The following RAB15 variants were observed in gnomAD, a reference collection of about 807,000 sequenced individuals.
RAB15 encodes RAB15, member RAS oncogene family, also known as ras-related protein Rab-15.
In RAB15, 13 loss-of-function variants were observed where a neutral mutation model predicts 31.8. The ratio of observed to expected loss-of-function variants is 0.41; its 90% CI spans 0.27 to 0.65. RAB15 has a LOEUF of 0.65. RAB15 is among the 30% of genes least tolerant of loss of function. The pLI is 0.32. For synonymous variants in RAB15, 100 were observed against 105.6 expected (o/e 0.95, Z 0.33); for missense variants, 220 against 277.3 (o/e 0.79, Z 1.47).
At chr14:64,957,801 G>A (rs1886654434) in intron 1 of RAB15, 1 of 152,002 alleles carries the variant, frequency 6.6e-6, no homozygotes, top group Non-Finnish European at 1.5e-5. Context: ...CCCAACCCTG[G>A]GAGGCTGAGG....
chr14:64,956,655 T>G (rs1886588411), intron 1 of RAB15, among the ~76,000 whole-genome samples: 1 of 152,184 alleles, frequency 6.6e-6, no homozygotes, highest in South Asian at 2.1e-4. Context: ...AGGTGTGCTT[T>G]GCAGAGCTTC....
Position 64,951,206 on chromosome 14 carries a change from G to A in RAB15, c.247-55C>T. On this transcript the variant is annotated intron_variant, in intron 3 of 6. Coordinates refer to ENST00000533601, the MANE Select transcript of RAB15 (RefSeq NM_001308154.2). This position sits in a 1 kb window ranked among gnomAD's most constrained non-coding sequence, Gnocchi z 7.2. The stretch of plus-strand genomic sequence containing the variant: ...TATGCACAGAGAGAGTGCAGTCATG[G>A]GGCCAGAAGGGGCCGTGGAAACTTA... 1 of 1,407,066 alleles carries A rather than the reference G, an allele frequency of 7.1e-7. No individual in the cohort carries two copies. The highest frequency in any genetic ancestry group is 1.2e-5 in the South Asian group (1 of 84,192). The allele number at this position is 1,407,066 out of a possible 1,614,324, so 87.2% of individuals were successfully genotyped here. A position where few individuals can be genotyped will look rare whatever the true frequency, so the allele number is the denominator to read the frequency against.
rs1193151749 is a variant in RAB15 at position 64,955,152 on chromosome 14, T to C, written c.125-2581A>G. 6.6e-6 allele frequency among the ~76,000 whole-genome samples: 1 copy of C among 152,174 alleles called. No individual in the cohort carries two copies. On this transcript the variant is annotated intron_variant, in intron 1 of 6. Transcript: ENST00000533601. The surrounding 1 kb of genome is among the most constrained non-coding windows in gnomAD (Gnocchi z 4.4). The stretch of plus-strand genomic sequence containing the variant: ...TGGCCACCTGGGAACATGTGTTTTA[T>C]TCACCTTTTGGCTATTCATATGCAT...
In RAB15 at chr14:64,951,280, T is replaced by G; in HGVS notation, c.247-129A>C. On this transcript the variant is annotated intron_variant, in intron 3 of 6. Transcript: ENST00000533601. The surrounding 1 kb of genome is among the most constrained non-coding windows in gnomAD (Gnocchi z 7.2). ...TCTCCCTGCTCAGCATCCAGAAATA[T>G]CTCTTCTCTCAGACCCCACCACTGC... is the stretch of plus-strand genomic sequence containing the variant. 1 of 761,944 alleles carries G rather than the reference T, an allele frequency of 1.3e-6. No individual in the cohort carries two copies. Among genetic ancestry groups the G allele is most frequent in the Non-Finnish European group, 2.1e-6 (1 of 466,262 alleles). The allele number at this position is 761,944 out of a possible 1,614,324, so 47.2% of individuals were successfully genotyped here. A position where few individuals can be genotyped will look rare whatever the true frequency, so the allele number is the denominator to read the frequency against.
Position 64,948,731 on chromosome 14 carries a change from C to G in RAB15, c.417G>C (p.Leu139=), listed in dbSNP as rs1886063083. Residue 139 remains leucine (L), a splice_region_variant and synonymous_variant, in exon 6 of 7, where the codon CTG becomes CTC. Transcript: ENST00000533601. This position sits in a 1 kb window ranked among gnomAD's most constrained non-coding sequence, Gnocchi z 7.0. ...AGAAGTCCATGCCATACTCCTTCGC[C>G]AGCTGCAAGAGAAGGACATTTCTGA... ...RQVGREQGQQ[L]AKEYGMDFYE... 6.2e-7 allele frequency: 1 copy of G among 1,613,608 alleles called. No individual in the cohort carries two copies. Among genetic ancestry groups the G allele is most frequent in the Admixed American group, 1.7e-5 (1 of 59,980 alleles).
In RAB15 at chr14:64,970,840, C is replaced by T. The variant is rs1432229104; in HGVS notation, c.124+1113G>A. On this transcript the variant is annotated intron_variant, in intron 1 of 6. Transcript: ENST00000533601. The surrounding 1 kb of genome is among the most constrained non-coding windows in gnomAD (Gnocchi z 4.1). Reference sequence around the variant, plus strand: ...TTCTTAACCAGAAGGTTCTGTTCCTCCTGGCTGTATCTATCTGCTCCTACT... The same window carrying T: ...TTCTTAACCAGAAGGTTCTGTTCCTTCTGGCTGTATCTATCTGCTCCTACT... Among the ~76,000 whole-genome samples, 1 of 152,198 alleles carries T rather than the reference C, an allele frequency of 6.6e-6. No individual in the cohort carries two copies. Among genetic ancestry groups the T allele is most frequent in the African/African-American group, 2.4e-5 (1 of 41,444 alleles).
Position 64,955,069 on chromosome 14 carries a change from G to A in RAB15, c.125-2498C>T, listed in dbSNP as rs566418059. Among the ~76,000 whole-genome samples the A allele has an allele frequency of 2.0e-5, 3 of 151,918 alleles. No individual in the cohort carries two copies. Among genetic ancestry groups the A allele is most frequent in the Non-Finnish European group, 4.4e-5 (3 of 67,954 alleles). Reference sequence around the variant, plus strand: ...GGGGACTAAGGCTGAGGAATTCCGGGGCTCGCAGCACTCCCCGGCCTCACA... The same window carrying A: ...GGGGACTAAGGCTGAGGAATTCCGGAGCTCGCAGCACTCCCCGGCCTCACA... On this transcript the variant is annotated intron_variant, in intron 1 of 6. Transcript: ENST00000533601. This position sits in a 1 kb window ranked among gnomAD's most constrained non-coding sequence, Gnocchi z 4.4.
rs1169676417 is a variant in RAB15 at position 64,950,480 on chromosome 14, G to C, written c.325-66C>G. 7 of 1,308,916 alleles carry C rather than the reference G, an allele frequency of 5.3e-6. No individual in the cohort carries two copies. Among genetic ancestry groups the C allele is most frequent in the Non-Finnish European group, 7.7e-6 (7 of 906,434 alleles). 81.1% of individuals were successfully genotyped at this position (1,308,916 alleles called of 1,614,324 possible). ...CTGCCCCCCCAATTTTCCCTACAGA[G>C]TCTGCACTGCCTCCAGCCCACCACC... On this transcript the variant is annotated intron_variant, in intron 4 of 6. Coordinates refer to ENST00000533601, the MANE Select transcript of RAB15 (RefSeq NM_001308154.2). The surrounding 1 kb of genome is among the most constrained non-coding windows in gnomAD (Gnocchi z 5.6).
In RAB15 at chr14:64,950,191, C is replaced by G; in HGVS notation, c.414+134G>C. On this transcript the variant is annotated intron_variant, in intron 5 of 6. Coordinates refer to ENST00000533601, the MANE Select transcript of RAB15 (RefSeq NM_001308154.2). The surrounding 1 kb of genome is among the most constrained non-coding windows in gnomAD (Gnocchi z 5.6). ...AGCCTTCCGAGGATGGCCACTCCCC[C>G]AGGGCCTTGGGGTGCTGGGGACGTG... 1.3e-6 allele frequency: 1 copy of G among 764,962 alleles called. No individual in the cohort carries two copies. The highest frequency in any genetic ancestry group is 1.9e-5 in the Admixed American group (1 of 53,904). 47.4% of individuals were successfully genotyped at this position (764,962 alleles called of 1,614,324 possible). A position where few individuals can be genotyped will look rare whatever the true frequency, so the allele number is the denominator to read the frequency against.
Position 64,953,867 on chromosome 14 carries a change from C to T in RAB15, c.125-1296G>A, listed in dbSNP as rs1886400696. On this transcript the variant is annotated intron_variant, in intron 1 of 6. Transcript: ENST00000533601. This position sits in a 1 kb window ranked among gnomAD's most constrained non-coding sequence, Gnocchi z 4.6. ...TTCAGATGGGAACATGGTAGAGTTC[C>T]GAACCGTCTGCCACCAGCTGCACTG... 9.1e-6 allele frequency: 9 copies of T among 985,378 alleles called. No individual in the cohort carries two copies. The highest frequency in any genetic ancestry group is 1.1e-4 in the East Asian group (1 of 8,812). 61.0% of individuals were successfully genotyped at this position (985,378 alleles called of 1,614,324 possible). A position where few individuals can be genotyped will look rare whatever the true frequency, so the allele number is the denominator to read the frequency against.
intron 1 of RAB15, among the ~76,000 whole-genome samples, chr14:64,959,642 C>G (rs1337253412): frequency 2.0e-5 from 3 of 151,944 alleles, no homozygotes; most frequent in Non-Finnish European, 4.4e-5. Flanking sequence ...GGTGGGAGGA[C>G]TGCTTGCGCC....
chr14:64,961,743 T>G lies in RAB15; in HGVS notation c.125-9172A>C, dbSNP rs1886870730. Among the ~76,000 whole-genome samples the G allele has an allele frequency of 6.6e-5, 10 of 152,162 alleles. No individual in the cohort carries two copies. The South Asian group carries it at 2.1e-3, about 32-fold the overall frequency. On this transcript the variant is annotated intron_variant, in intron 1 of 6. Transcript: ENST00000533601. Reference sequence around the variant, plus strand: ...GGGCAACATAGTGAGACCATGTCTCTGCAAAAAATTTAAAAATTAGCCAGG... The same window carrying G: ...GGGCAACATAGTGAGACCATGTCTCGGCAAAAAATTTAAAAATTAGCCAGG...
At chr14:64,966,006 C>T (rs536802932) in intron 1 of RAB15, among the ~76,000 whole-genome samples, 5 of 152,292 alleles carry the variant, frequency 3.3e-5, no homozygotes, top group African/African-American at 1.2e-4. Flanking sequence ...AGCAGGGGCC[C>T]AAGCCTTGAG....
In RAB15 at chr14:64,965,946, C is replaced by T. The variant is rs34343579; in HGVS notation, c.124+6007G>A. Among the ~76,000 whole-genome samples the T allele has an allele frequency of 4.4e-3, 668 of 152,262 alleles. 8 individuals are homozygous for T. The highest frequency in any genetic ancestry group is 0.015 in the African/African-American group (633 of 41,554). On this transcript the variant is annotated intron_variant, in intron 1 of 6. Transcript: ENST00000533601. ...TTGGGGAAGGGGTGGGAGGCCGAGTCTGTGCCTGTGTCAGGAGGAGAAACA... is the reference window on the plus strand; with the variant it reads ...TTGGGGAAGGGGTGGGAGGCCGAGTTTGTGCCTGTGTCAGGAGGAGAAACA...
intron 1 of RAB15, among the ~76,000 whole-genome samples, chr14:64,960,229 C>T (rs944202550): frequency 6.6e-6 from 1 of 152,192 alleles, no homozygotes; most frequent in Non-Finnish European, 1.5e-5. Context: ...AGGCGAGACA[C>T]CCAGCACTCA....
At chr14:64,965,730 C>G (rs893155000) in intron 1 of RAB15, among the ~76,000 whole-genome samples, 5 of 152,142 alleles carry the variant, frequency 3.3e-5, no homozygotes, top group African/African-American at 1.2e-4. Context: ...TGTTATAAAG[C>G]TCATCACCAG....
chr14:64,951,849 G>A lies in RAB15; in HGVS notation c.186-186C>T, dbSNP rs914954813. 2.0e-5 allele frequency among the ~76,000 whole-genome samples: 3 copies of A among 152,214 alleles called. No homozygotes were observed. Among genetic ancestry groups the A allele is most frequent in the Non-Finnish European group, 4.4e-5 (3 of 68,030 alleles). ...ATCTGTGCTGGTGCTGACCAGGCCT[G>A]CAGGGCCTTGGCCCCTCCTGCCAAC... is the stretch of plus-strand genomic sequence containing the variant. On this transcript the variant is annotated intron_variant, in intron 2 of 6. Coordinates refer to ENST00000533601, the MANE Select transcript of RAB15 (RefSeq NM_001308154.2). This position sits in a 1 kb window ranked among gnomAD's most constrained non-coding sequence, Gnocchi z 7.2.
rs1594935585 is a variant in RAB15 at position 64,951,774 on chromosome 14, A to T, written c.186-111T>A. 16 of 902,568 alleles carry T rather than the reference A, an allele frequency of 1.8e-5. No individual in the cohort carries two copies. The East Asian group carries it at 4.0e-4, about 22-fold the overall frequency. The allele number at this position is 902,568 out of a possible 1,614,324, so 55.9% of individuals were successfully genotyped here. On this transcript the variant is annotated intron_variant, in intron 2 of 6. Coordinates refer to ENST00000533601, the MANE Select transcript of RAB15 (RefSeq NM_001308154.2). This position sits in a 1 kb window ranked among gnomAD's most constrained non-coding sequence, Gnocchi z 7.2. The stretch of plus-strand genomic sequence containing the variant: ...AAAACTGGGGAGCTAAAGGGTGAAA[A>T]ACCAGGGATGCTTGGATCCCCACAG...
rs183703833 is a variant in RAB15, at chr14:64,953,490, G to A, written c.125-919C>T. ...GTGGCATGGCATGGCATGTCACTGC[G>A]GGAGGGAAAGGAAGCAAAGAGTTCC... On this transcript the variant is annotated intron_variant, in intron 1 of 6. Coordinates refer to ENST00000533601, the MANE Select transcript of RAB15 (RefSeq NM_001308154.2). This position sits in a 1 kb window ranked among gnomAD's most constrained non-coding sequence, Gnocchi z 4.6. 7.6e-4 allele frequency among the ~76,000 whole-genome samples: 115 copies of A among 152,312 alleles called. 5 individuals carry two copies. The South Asian group carries it at 0.012, about 15-fold the overall frequency.
Sources: gnomAD v4.1 joint callset for allele counts (sites outside exome capture counted in the v4.1 genomes callset) on GRCh38, gnomAD v4.1.1 for gene constraint, Gnocchi (gnomAD v3.1) non-coding constraint, MANE v1.5 for transcripts, NCBI Gene and HGNC (gene_info 2026-07-23, HGNC 2026-07-21) for gene names.